The following PTPRN2 variants were observed in gnomAD, a reference collection of about 807,000 sequenced individuals.
PTPRN2 encodes the protein receptor-type tyrosine-protein phosphatase N2.
Under a neutral mutation model 118.8 loss-of-function variants are expected in PTPRN2, and 74 were observed. That is an observed-to-expected ratio of 0.62 (90% CI 0.52 to 0.76). PTPRN2 has a LOEUF of 0.76. Among genes scored for constraint, PTPRN2 ranks in the 30% least tolerant of loss-of-function variants. The probability of loss-of-function intolerance (pLI) is 0.00; values close to 1 mark genes in which losing one functional copy is unlikely to be tolerated. For synonymous variants in PTPRN2, 641 were observed against 608.0 expected (o/e 1.05, Z -0.80); for missense variants, 1,481 against 1,394.4 (o/e 1.06, Z -0.99).
chr7:158,014,479 T>G (rs549440823), intron 11 of PTPRN2, among the ~76,000 whole-genome samples: 3 of 151,524 alleles, frequency 2.0e-5, no homozygotes, highest in Admixed American at 1.3e-4. Flanking sequence ...AACAATTCAC[T>G]TGTTCATCCA....
intron 6 of PTPRN2, among the ~76,000 whole-genome samples, chr7:158,153,537 G>T (rs1442213186): frequency 6.6e-6 from 1 of 152,160 alleles, no homozygotes; most frequent in African/African-American, 2.4e-5. Context: ...AGAGGTTTGA[G>T]CAGCGGGGCA....
At chr7:157,775,541 G>A (rs188817016) in intron 12 of PTPRN2, among the ~76,000 whole-genome samples, 154 of 152,350 alleles carry the variant, frequency 1.0e-3, no homozygotes, top group Non-Finnish European at 1.7e-3. Flanking sequence ...CGTGGAGCAC[G>A]CCCGGGGCAC....
chr7:158,361,932 C>T (rs148422487), intron 2 of PTPRN2, among the ~76,000 whole-genome samples: 32 of 152,308 alleles, frequency 2.1e-4, no homozygotes, highest in African/African-American at 7.2e-4. Context: ...GAGCCTGGAC[C>T]CTGCCTATGG....
Position 157,820,657 on chromosome 7 carries a change from C to A in PTPRN2, c.1788+78016G>T, listed in dbSNP as rs1806780585. On this transcript the variant is annotated intron_variant, in intron 12 of 22. Coordinates refer to ENST00000389418, the MANE Select transcript of PTPRN2 (RefSeq NM_002847.5). The stretch of plus-strand genomic sequence containing the variant: ...ACACACGTGCACACACACATGCACA[C>A]ACACATACACACACCTTCACCTGAG... 2.6e-5 allele frequency among the ~76,000 whole-genome samples: 4 copies of A among 152,238 alleles called. No homozygotes were observed. The South Asian group carries it at 8.3e-4, about 32-fold the overall frequency.
At chr7:157,970,907 G>T (rs147206119) in intron 11 of PTPRN2, among the ~76,000 whole-genome samples, 1 of 152,152 alleles carries the variant, frequency 6.6e-6, no homozygotes, top group African/African-American at 2.4e-5. Context: ...GTCCCTGCAC[G>T]CACGAGGCAC....
At chr7:158,149,601 G>A (rs929403022) in intron 6 of PTPRN2, among the ~76,000 whole-genome samples, 14 of 152,082 alleles carry the variant, frequency 9.2e-5, no homozygotes, top group Admixed American at 5.9e-4. Context: ...TCAGGAGTTC[G>A]AGACCAGCCT....
At chr7:157,806,847 G>A (rs988884764) in intron 12 of PTPRN2, among the ~76,000 whole-genome samples, 1 of 152,232 alleles carries the variant, frequency 6.6e-6, no homozygotes. Context: ...GAGGGCCACT[G>A]GCATGGGCCC....
chr7:158,185,730 C>T (rs1483001689), intron 5 of PTPRN2, among the ~76,000 whole-genome samples: 4 of 152,302 alleles, frequency 2.6e-5, no homozygotes, highest in East Asian at 3.9e-4. Flanking sequence ...TTGCCTTCTT[C>T]GCCCAGGCTT....
At position 158,007,457 on chromosome 7, in the gene PTPRN2, A is replaced by T. The variant is rs537506830; in HGVS notation, c.1723+73841T>A. On this transcript the variant is annotated intron_variant, in intron 11 of 22. Coordinates refer to ENST00000389418, the MANE Select transcript of PTPRN2 (RefSeq NM_002847.5). ...GAGAGGACAAGGGGAGAGTGATCAC[A>T]GGGTGTGACAGTGATGGAGGGGACC... 2.6e-4 allele frequency among the ~76,000 whole-genome samples: 40 copies of T among 152,282 alleles called. 1 individual carries two copies. In the East Asian group the frequency reaches 3.9e-3, roughly 15 times the overall value.
chr7:157,613,922 C>CT (rs1265163369), intron 15 of PTPRN2: 4 of 431,478 alleles, frequency 9.3e-6, no homozygotes, highest in African/African-American at 2.0e-5. Flanking sequence ...CCTCGAGCCC[C>CT]TTACAGGCCA....
rs138482196 is a variant in PTPRN2 at position 158,237,915 on chromosome 7, G to T, written c.278-32642C>A. On this transcript the variant is annotated intron_variant, in intron 3 of 22. Transcript: ENST00000389418. ...TCACGCTGAGCTCAGCACAGAGCCT[G>T]CAGGAGTTGCCCGCAGCCCGGCGGC... Among the ~76,000 whole-genome samples the T allele has an allele frequency of 5.4e-3, 830 of 152,300 alleles. 12 individuals are homozygous for T. The highest frequency in any genetic ancestry group is 0.019 in the African/African-American group (792 of 41,578).
chr7:158,262,552 GCACACACTA>G (rs1208709756), intron 3 of PTPRN2, among the ~76,000 whole-genome samples: 10 of 109,720 alleles, frequency 9.1e-5, no homozygotes, highest in African/African-American at 1.8e-4. Flanking sequence ...TTCACACACT[GCACACACTA>G]CACACACATT....
At chr7:158,049,804 G>A (rs1471391129) in intron 11 of PTPRN2, among the ~76,000 whole-genome samples, 1 of 152,162 alleles carries the variant, frequency 6.6e-6, no homozygotes, top group Non-Finnish European at 1.5e-5. Context: ...TGGGGAGGCT[G>A]AGGCAGGAGA....
intron 13 of PTPRN2, among the ~76,000 whole-genome samples, chr7:157,679,155 A>G (rs1796803247): frequency 6.6e-6 from 1 of 152,236 alleles, no homozygotes; most frequent in South Asian, 2.1e-4. Flanking sequence ...ATTTGAAAAA[A>G]AAGAATAAAA....
chr7:157,899,853 C>T (rs1032381686), intron 11 of PTPRN2, among the ~76,000 whole-genome samples: 1 of 152,186 alleles, frequency 6.6e-6, no homozygotes, highest in Admixed American at 6.5e-5. Context: ...TAAAGCAAAA[C>T]TCCTTTAATA....
chr7:157,716,454 C>T (rs1178883701), intron 12 of PTPRN2, among the ~76,000 whole-genome samples: 1 of 98,136 alleles, frequency 1.0e-5, no homozygotes, highest in African/African-American at 5.1e-5. Context: ...CACTGCCTGG[C>T]CACGTAGACT....
intron 14 of PTPRN2, among the ~76,000 whole-genome samples, chr7:157,631,619 T>C (rs997143089): frequency 6.8e-6 from 1 of 148,070 alleles, no homozygotes; most frequent in Non-Finnish European, 1.5e-5. Context: ...GATCACGAGG[T>C]CAGGAGATCG....
intron 2 of PTPRN2, among the ~76,000 whole-genome samples, chr7:158,486,660 C>T (rs5016020): frequency 0.19 from 29,166 of 152,158 alleles, 3,302 homozygotes; most frequent in East Asian, 0.41. Context: ...TTTCCAATCA[C>T]GACTTCCTCC....
At chr7:158,341,440 A>C (rs1806759099) in intron 2 of PTPRN2, among the ~76,000 whole-genome samples, 1 of 147,448 alleles carries the variant, frequency 6.8e-6, no homozygotes, top group Admixed American at 6.8e-5. Context: ...CACTCTCACC[A>C]TAAGAGGTAA....
Sources: gnomAD v4.1 joint callset for allele counts (sites outside exome capture counted in the v4.1 genomes callset) on GRCh38, gnomAD v4.1.1 for gene constraint, MANE v1.5 for transcripts, NCBI Gene and HGNC (gene_info 2026-07-23, HGNC 2026-07-21) for gene names.